Variants in CACNG2 observed in about 807,000 individuals in gnomAD.
CACNG2 encodes the protein calcium voltage-gated channel auxiliary subunit gamma 2, also known as voltage-dependent calcium channel gamma-2 subunit.
In CACNG2, 3 loss-of-function variants were observed where a neutral mutation model predicts 25.9. The observed-to-expected ratio is 0.12, with a 90% CI of 0.05 to 0.30. CACNG2 has a LOEUF of 0.30. Ranked by LOEUF, CACNG2 falls within the 10% of genes least tolerant of loss-of-function variation. The pLI, the probability that CACNG2 is intolerant of heterozygous loss-of-function variation, is 1.00. For synonymous variants in CACNG2, 167 were observed against 173.3 expected (o/e 0.96, Z 0.29); for missense variants, 341 against 432.5 (o/e 0.79, Z 1.88).
chr22:36,587,475 T>TTCTGCTGTGTCAGCTTCGTAA lies in CACNG2; in HGVS notation c.264_284dup (p.Asp88_Ala94dup). 6.2e-7 allele frequency: 1 copy of TTCTGCTGTGTCAGCTTCGTAA among 1,611,808 alleles called. No homozygotes were observed. The highest frequency in any genetic ancestry group is 8.5e-7 in the Non-Finnish European group (1 of 1,177,832). On this transcript the variant is annotated inframe_insertion, in exon 2 of 4. Transcript: ENST00000300105. ...ATCGTGTGCACTCACGGAGGAAATA[T>TTCTGCTGTGTCAGCTTCGTAA]TCTGCTGTGTCAGCTTCGTAATCTG...
chr22:36,634,202 C>T (rs1171722901), intron 1 of CACNG2, among the ~76,000 whole-genome samples: 2 of 152,202 alleles, frequency 1.3e-5, no homozygotes, highest in African/African-American at 2.4e-5. Context: ...TAGCACTCTG[C>T]CTGACCACAT....
At chr22:36,621,101 G>GAATGTCTA (rs1936096969) in intron 1 of CACNG2, among the ~76,000 whole-genome samples, 1 of 152,212 alleles carries the variant, frequency 6.6e-6, no homozygotes, top group Non-Finnish European at 1.5e-5. Context: ...CTGCCTGGAT[G>GAATGTCTA]AATGTCTAAT....
At chr22:36,686,607 T>A (rs1937202396) in intron 1 of CACNG2, among the ~76,000 whole-genome samples, 2 of 152,150 alleles carry the variant, frequency 1.3e-5, no homozygotes, top group Admixed American at 1.3e-4. Context: ...ATTGTGGTGG[T>A]GGAATGGCAC....
intron 1 of CACNG2, among the ~76,000 whole-genome samples, chr22:36,634,309 T>G (rs10427770): frequency 0.069 from 10,506 of 152,222 alleles, 763 homozygotes; most frequent in African/African-American, 0.18. Context: ...GCCTACCCAT[T>G]ACAGCCTCTC....
Position 36,598,850 on chromosome 22 carries a change from G to A in CACNG2, c.212-11302C>T, listed in dbSNP as rs775507319. On this transcript the variant is annotated intron_variant, in intron 1 of 3. Coordinates refer to ENST00000300105, the MANE Select transcript of CACNG2 (RefSeq NM_006078.5). ...AAAAATTAGCCAAGTGTGGTGGCAC[G>A]CGCCTGTAGTCCCAGCTACTCGGGA... 3.3e-5 allele frequency among the ~76,000 whole-genome samples: 5 copies of A among 151,968 alleles called. No homozygotes were observed. The East Asian group carries it at 7.8e-4, about 24-fold the overall frequency.
chr22:36,643,191 CCTTT>C (rs1289084155), intron 1 of CACNG2, among the ~76,000 whole-genome samples: 1 of 148,414 alleles, frequency 6.7e-6, no homozygotes, highest in African/African-American at 2.5e-5. Flanking sequence ...CCTTCCCTCT[CCTTT>C]CTTTCTCCTT....
At chr22:36,582,873 C>T (rs529051425) in intron 2 of CACNG2, among the ~76,000 whole-genome samples, 43 of 152,014 alleles carry the variant, frequency 2.8e-4, no homozygotes, top group Admixed American at 2.2e-3. Context: ...ACCTCAGTAC[C>T]TCAAAGAGGG....
intron 2 of CACNG2, among the ~76,000 whole-genome samples, chr22:36,575,876 C>G (rs2065571221): frequency 6.6e-6 from 1 of 152,234 alleles, no homozygotes; most frequent in Non-Finnish European, 1.5e-5. Flanking sequence ...TGGGATTTGA[C>G]TCATCATTAG....
chr22:36,564,476 T>C lies in CACNG2; in HGVS notation c.847A>G (p.Thr283Ala), dbSNP rs756431865. 1 of 1,613,776 alleles carries C rather than the reference T, an allele frequency of 6.2e-7. No individual in the cohort carries two copies. The highest frequency in any genetic ancestry group is 8.5e-7 in the Non-Finnish European group (1 of 1,179,924). Residue 283 changes from threonine to alanine, a missense_variant, in exon 4 of 4, where the codon ACG becomes GCG. Thr to Ala is a moderately conservative substitution (Grantham distance 58, BLOSUM62 0). Around this residue, in one of 2 missense-constraint regions of CACNG2, gnomAD observed 172 missense variants for 178.1 expected, o/e 0.97. Coordinates refer to ENST00000300105, the MANE Select transcript of CACNG2 (RefSeq NM_006078.5). The surrounding 1 kb of genome is among the most constrained non-coding windows in gnomAD (Gnocchi z 6.7). ...TCGGAGTTGTAGGTGGCGGTGGGCG[T>C]GGTGGCGGCCTTCAGGGGGTCCCTG... ...LSRDPLKAAT[T>A]PTATYNSDRD...
intron 1 of CACNG2, among the ~76,000 whole-genome samples, chr22:36,651,894 C>T (rs1025854781): frequency 9.9e-5 from 15 of 152,000 alleles, no homozygotes; most frequent in African/African-American, 2.7e-4. Context: ...GACAGAGTCT[C>T]GCTCTGTTGC....
chr22:36,595,948 AGTTT>A (rs1935672134), intron 1 of CACNG2, among the ~76,000 whole-genome samples: 1 of 152,240 alleles, frequency 6.6e-6, no homozygotes, highest in Non-Finnish European at 1.5e-5. Flanking sequence ...GGTATTAAGT[AGTTT>A]AAGAGGAGGT....
intron 1 of CACNG2, among the ~76,000 whole-genome samples, chr22:36,646,520 C>T (rs1477982793): frequency 1.3e-5 from 2 of 152,154 alleles, no homozygotes; most frequent in Non-Finnish European, 2.9e-5. Context: ...TTTTTAAAAT[C>T]CCATCAAATC....
chr22:36,664,911 A>T (rs537883822), intron 1 of CACNG2, among the ~76,000 whole-genome samples: 3 of 152,230 alleles, frequency 2.0e-5, no homozygotes, highest in Admixed American at 1.3e-4. Flanking sequence ...TGAGTTTACA[A>T]CTCAGCTCTG....
Position 36,702,639 on chromosome 22 carries a change from C to A in CACNG2, c.-63G>T. 7.5e-7 allele frequency: 1 copy of A among 1,328,936 alleles called. No individual in the cohort carries two copies. The allele number at this position is 1,328,936 out of a possible 1,614,324, so 82.3% of individuals were successfully genotyped here. On this transcript the variant is annotated 5_prime_UTR_variant, in exon 1 of 4. Transcript: ENST00000300105. ...TCTCGGGAGAGTGTGTGTGAGGGTG[C>A]AAGTACTAAAGCCAAAAAAAATAAA...
intron 1 of CACNG2, among the ~76,000 whole-genome samples, chr22:36,622,717 G>C (rs1936123865): frequency 6.6e-6 from 1 of 152,140 alleles, no homozygotes; most frequent in South Asian, 2.1e-4. Flanking sequence ...CCAGCACTTT[G>C]GAAGGCTGAG....
chr22:36,635,211 G>C (rs545245644), intron 1 of CACNG2, among the ~76,000 whole-genome samples: 13 of 151,640 alleles, frequency 8.6e-5, no homozygotes, highest in Non-Finnish European at 1.3e-4. Flanking sequence ...GTGAACCCGG[G>C]AGGCGGAGCT....
At chr22:36,568,432 T>C (rs1003587599) in intron 2 of CACNG2, among the ~76,000 whole-genome samples, 20 of 152,004 alleles carry the variant, frequency 1.3e-4, no homozygotes, top group Admixed American at 4.6e-4. Context: ...TGAGATGGAG[T>C]CTTGCTCTGT....
rs148951801 is a variant in CACNG2 at position 36,563,600 on chromosome 22, C to G, written c.*751G>C. ...GTGTACCCCCCTCCAGGCACCCTAA[C>G]GGAGAGGAGGGACAAGGGCTCGGTC... On this transcript the variant is annotated 3_prime_UTR_variant, in exon 4 of 4. Coordinates refer to ENST00000300105, the MANE Select transcript of CACNG2 (RefSeq NM_006078.5). Among the ~76,000 whole-genome samples the G allele has an allele frequency of 4.3e-4, 66 of 152,208 alleles. No individual in the cohort carries two copies. The highest frequency in any genetic ancestry group is 6.9e-4 in the Non-Finnish European group (47 of 67,988).
intron 1 of CACNG2, among the ~76,000 whole-genome samples, chr22:36,630,092 G>A (rs1032377314): frequency 6.6e-6 from 1 of 152,178 alleles, no homozygotes; most frequent in Non-Finnish European, 1.5e-5. Flanking sequence ...GAAGAAGGCA[G>A]TGCGGGAGGG....
Sources: allele counts gnomAD v4.1 joint callset (sites outside exome capture counted in the v4.1 genomes callset), GRCh38; gene constraint gnomAD v4.1.1; regional missense constraint gnomAD v4.1.1; non-coding constraint Gnocchi (gnomAD v3.1); transcripts MANE v1.5; gene names NCBI Gene and HGNC (gene_info 2026-07-23, HGNC 2026-07-21).